The following RBMS2 variants were observed in gnomAD, a reference collection of about 807,000 sequenced individuals.
RBMS2 encodes the protein RNA-binding motif, single-stranded-interacting protein 2.
In RBMS2, 38 loss-of-function variants were observed where a neutral mutation model predicts 58.4. That is an observed-to-expected ratio of 0.65 (90% CI 0.50 to 0.85). The LOEUF (loss-of-function observed/expected upper bound fraction) is 0.85. RBMS2 is among the 40% of genes least tolerant of loss of function. RBMS2 has a pLI of 0.00. For synonymous variants in RBMS2, 151 were observed against 180.7 expected, an observed-to-expected ratio of 0.84 and a Z score of 1.32; for missense variants, 367 against 503.7, an observed-to-expected ratio of 0.73 and a Z score of 2.60.
At chr12:56,542,076 G>A (rs1357045731) in intron 1 of RBMS2, among the ~76,000 whole-genome samples, 4 of 151,854 alleles carry the variant, frequency 2.6e-5, no homozygotes, top group African/African-American at 9.7e-5. Context: ...TTGAGACAGG[G>A]TCTCACTGTC....
chr12:56,585,197 T>C (rs955802080), intron 9 of RBMS2, among the ~76,000 whole-genome samples: 2 of 152,272 alleles, frequency 1.3e-5, no homozygotes, highest in African/African-American at 4.8e-5. Context: ...TTTTATGTTT[T>C]ACATTTACAT....
intron 1 of RBMS2, among the ~76,000 whole-genome samples, chr12:56,529,989 A>C (rs1873397387): frequency 1.3e-5 from 2 of 152,196 alleles, no homozygotes; most frequent in African/African-American, 4.8e-5. Flanking sequence ...AGCTTACTAA[A>C]GCCTCAAACT....
intron 2 of RBMS2, among the ~76,000 whole-genome samples, chr12:56,565,655 GA>G (rs2136440169): frequency 6.6e-6 from 1 of 152,322 alleles, no homozygotes; most frequent in Non-Finnish European, 1.5e-5. Context: ...AGGCTGAGCA[GA>G]GCAGGTGGGT....
chr12:56,522,112 T>C (rs1871816122), intron 1 of RBMS2, 23 bp downstream of exon 1: 2 of 1,537,910 alleles, frequency 1.3e-6, no homozygotes, highest in Non-Finnish European at 1.8e-6. Flanking sequence ...GCTTTTTTGG[T>C]ATCTAGCTAC....
At chr12:56,578,010 A>C (rs1222752121) in intron 5 of RBMS2, among the ~76,000 whole-genome samples, 2 of 151,908 alleles carry the variant, frequency 1.3e-5, no homozygotes, top group African/African-American at 4.8e-5. Flanking sequence ...TTTTTTGTAG[A>C]GTTGGAGTCT....
At chr12:56,562,291 C>A in intron 1 of RBMS2, 126 bp from the exon 2 acceptor site, 1 of 873,750 alleles carries the variant, frequency 1.1e-6, no homozygotes, top group Non-Finnish European at 1.8e-6. Flanking sequence ...CTATGTGTGT[C>A]CAAGTGAGTG....
At position 56,522,092 on chromosome 12, in the gene RBMS2, A is replaced by G; in HGVS notation, c.66+3A>G. The G allele has an allele frequency of 1.3e-6, 2 of 1,589,116 alleles. No homozygotes were observed. ...GCTACAATAGAAACAACAAGAAGGT[A>G]GGGAAAAGCGCTTTTTTGGTATCTA... On this transcript the variant is annotated splice_donor_region_variant and intron_variant, in intron 1 of 13. Coordinates refer to ENST00000262031, the MANE Select transcript of RBMS2 (RefSeq NM_002898.4).
intron 2 of RBMS2, among the ~76,000 whole-genome samples, chr12:56,566,402 T>C (rs938901636): frequency 3.3e-5 from 5 of 152,230 alleles, no homozygotes; most frequent in African/African-American, 1.2e-4. Flanking sequence ...GAGTGGAATG[T>C]AGAGGCTTTT....
chr12:56,522,012 A>G lies in RBMS2; in HGVS notation c.-12A>G. 1 of 1,526,344 alleles carries G rather than the reference A, an allele frequency of 6.6e-7. No individual in the cohort carries two copies. The highest frequency in any genetic ancestry group is 9.0e-7 in the Non-Finnish European group (1 of 1,112,026). 94.6% of individuals were successfully genotyped at this position (1,526,344 alleles called of 1,614,324 possible). On this transcript the variant is annotated 5_prime_UTR_variant, in exon 1 of 14. Transcript: ENST00000262031. ...CTCTCTCTCTCGCTCGTTCCCTAAC[A>G]TTAAAGAGAAAATGCTGCTATCCGT...
rs765752056 is a variant in RBMS2, at chr12:56,581,251, C to G, written c.610C>G (p.Pro204Ala). The G allele has an allele frequency of 6.2e-7, 1 of 1,604,612 alleles. No homozygotes were observed. Among genetic ancestry groups the G allele is most frequent in the Non-Finnish European group, 8.5e-7 (1 of 1,171,370 alleles). The change falls in exon 6 of 14, where the codon CCT becomes GCT. Residue 204 changes from proline to alanine, a missense_variant. Physicochemically the swap from Pro to Ala is conservative, Grantham distance 27. Transcript: ENST00000262031. ...TAATGGAAAATATATTAAGACACCC[C>G]CTGGAGTACCAGGTGAGGCATCTGG... is the stretch of plus-strand genomic sequence containing the variant. Reference protein sequence around the residue: ...HFNGKYIKTPPGVPAPSDPLL... With the variant: ...HFNGKYIKTPAGVPAPSDPLL...
At chr12:56,550,207 T>C (rs138355946) in intron 1 of RBMS2, among the ~76,000 whole-genome samples, 2 of 152,306 alleles carry the variant, frequency 1.3e-5, no homozygotes, top group African/African-American at 4.8e-5. Flanking sequence ...ATTGGCTGAA[T>C]TGTCAGTTCT....
intron 5 of RBMS2, among the ~76,000 whole-genome samples, chr12:56,575,613 G>A (rs543796865): frequency 1.2e-3 from 178 of 150,010 alleles, no homozygotes; most frequent in African/African-American, 4.0e-3. Flanking sequence ...CAGTAGTCTC[G>A]GCCAGGCATG....
At chr12:56,532,356 A>C (rs1051102350) in intron 1 of RBMS2, among the ~76,000 whole-genome samples, 1 of 152,112 alleles carries the variant, frequency 6.6e-6, no homozygotes, top group Non-Finnish European at 1.5e-5. Context: ...CAGCCTGACC[A>C]ACATGGTGAA....
rs1173281417 is a variant in RBMS2, at chr12:56,589,229, C to T, written c.*96C>T. On this transcript the variant is annotated 3_prime_UTR_variant, in exon 14 of 14. Transcript: ENST00000262031. ...CAGAGGGTTAACCAGGAATGGAGACCATCCGTCGGCCCTGCTAAGGACTAA... is the reference window on the plus strand; with the variant it reads ...CAGAGGGTTAACCAGGAATGGAGACTATCCGTCGGCCCTGCTAAGGACTAA... 1.5e-5 allele frequency: 23 copies of T among 1,492,870 alleles called. No individual in the cohort carries two copies. The highest frequency in any genetic ancestry group is 4.1e-5 in the Admixed American group (2 of 49,342). The allele number at this position is 1,492,870 out of a possible 1,614,324, so 92.5% of individuals were successfully genotyped here.
chr12:56,566,914 C>A lies in RBMS2; in HGVS notation c.234-2061C>A, dbSNP rs75822109. ...ATTAATGAGGGAACCAGCAGGATGGCAAAATGAGTTCAAAGAGCATTTGAG... is the reference window on the plus strand; with the variant it reads ...ATTAATGAGGGAACCAGCAGGATGGAAAAATGAGTTCAAAGAGCATTTGAG... On this transcript the variant is annotated intron_variant, in intron 2 of 13. Coordinates refer to ENST00000262031, the MANE Select transcript of RBMS2 (RefSeq NM_002898.4). Among the ~76,000 whole-genome samples, 1,429 of 152,170 alleles carry A rather than the reference C, an allele frequency of 9.4e-3. 17 individuals carry two copies. Among genetic ancestry groups the A allele is most frequent in the Middle Eastern group, 0.031 (9 of 294 alleles).
chr12:56,593,814 T>C lies in RBMS2; in HGVS notation c.*4681T>C, dbSNP rs1282344264. ...CACCTGCCTTGGCCTCCCAAAGTGC[T>C]GGGATTACAGGCGTGAGCCACTGCA... is the stretch of plus-strand genomic sequence containing the variant. On this transcript the variant is annotated 3_prime_UTR_variant, in exon 14 of 14. Coordinates refer to ENST00000262031, the MANE Select transcript of RBMS2 (RefSeq NM_002898.4). 1 of 152,562 alleles carries C rather than the reference T, an allele frequency of 6.6e-6. No individual in the cohort carries two copies. Among genetic ancestry groups the C allele is most frequent in the East Asian group, 1.9e-4 (1 of 5,216 alleles). The allele number at this position is 152,562 out of a possible 1,614,324, so 9.5% of individuals were successfully genotyped here. A position where few individuals can be genotyped will look rare whatever the true frequency, so the allele number is the denominator to read the frequency against.
chr12:56,525,031 T>A (rs1293183188), intron 1 of RBMS2, among the ~76,000 whole-genome samples: 1 of 151,740 alleles, frequency 6.6e-6, no homozygotes, highest in African/African-American at 2.4e-5. Context: ...CCCATATTTT[T>A]ATTTTTATTT....
Position 56,594,691 on chromosome 12 carries a change from CAGGGGACAGTCCCCACATGATT to C in RBMS2, c.*5560_*5581del, listed in dbSNP as rs777296059. 3 of 152,266 alleles carry C rather than the reference CAGGGGACAGTCCCCACATGATT, an allele frequency of 2.0e-5. No homozygotes were observed. The highest frequency in any genetic ancestry group is 4.1e-4 in the South Asian group (2 of 4,830). The allele number at this position is 152,266 out of a possible 1,614,324, so 9.4% of individuals were successfully genotyped here. A position where few individuals can be genotyped will look rare whatever the true frequency, so the allele number is the denominator to read the frequency against. ...CCGTTCTGATTTTTGCTGCACCTCC[CAGGGGACAGTCCCCACATGATT>C]ACAAAAGCCAGGTGCCCTCATCACC... is the stretch of plus-strand genomic sequence containing the variant. On this transcript the variant is annotated 3_prime_UTR_variant, in exon 14 of 14. Coordinates refer to ENST00000262031, the MANE Select transcript of RBMS2 (RefSeq NM_002898.4).
chr12:56,541,040 A>G (rs1875988324), intron 1 of RBMS2, among the ~76,000 whole-genome samples: 1 of 151,234 alleles, frequency 6.6e-6, no homozygotes, highest in Admixed American at 6.6e-5. Flanking sequence ...ATTTGGGGCT[A>G]CAGCGAACCA....
Sources: allele counts gnomAD v4.1 joint callset (sites outside exome capture counted in the v4.1 genomes callset), GRCh38; gene constraint gnomAD v4.1.1; transcripts MANE v1.5; gene names NCBI Gene and HGNC (gene_info 2026-07-23, HGNC 2026-07-21).